The following SLC5A1 variants were observed in gnomAD, a reference collection of about 807,000 sequenced individuals.
SLC5A1 encodes sodium/glucose cotransporter 1.
In SLC5A1, 42 loss-of-function variants were observed where a neutral mutation model predicts 73.5. That is an observed-to-expected ratio of 0.57 (90% CI 0.45 to 0.74). The LOEUF is 0.74. SLC5A1 is among the 30% of genes least tolerant of loss of function. The pLI, the probability that SLC5A1 is intolerant of heterozygous loss-of-function variation, is 0.00. For missense variants in SLC5A1, 634 were observed against 855.4 expected (o/e 0.74, Z 3.23); for synonymous variants, 300 against 317.4 (o/e 0.95, Z 0.58).
rs974183127 is a variant in SLC5A1 at position 32,050,706 on chromosome 22, G to A, written c.207+692G>A. On this transcript the variant is annotated intron_variant, in intron 2 of 14. Transcript: ENST00000266088. ...AGGCCCAGAGAGAAAAACAGTTTGT[G>A]TGTTGGCTTGAGGATAGAAGCAAGG... 9.9e-5 allele frequency among the ~76,000 whole-genome samples: 15 copies of A among 152,200 alleles called. 1 individual carries two copies. The highest frequency in any genetic ancestry group is 3.1e-4 in the African/African-American group (13 of 41,456).
At chr22:32,108,703 A>G (rs1461075542) in intron 14 of SLC5A1, among the ~76,000 whole-genome samples, 5 of 152,162 alleles carry the variant, frequency 3.3e-5, no homozygotes, top group Admixed American at 3.3e-4. Context: ...TCATTAAATC[A>G]TTAAATTCTT....
chr22:32,092,775 C>G lies in SLC5A1; in HGVS notation c.1280+1013C>G, dbSNP rs989438879. Among the ~76,000 whole-genome samples the G allele has an allele frequency of 3.3e-5, 5 of 152,286 alleles. No homozygotes were observed. The South Asian group carries it at 1.0e-3, about 32-fold the overall frequency. The stretch of plus-strand genomic sequence containing the variant: ...GTGGGTTGCCCGTTTACTCTGCTAA[C>G]TGTTCCTTTTGCTGTGCAGAAGCTC... On this transcript the variant is annotated intron_variant, in intron 11 of 14. Coordinates refer to ENST00000266088, the MANE Select transcript of SLC5A1 (RefSeq NM_000343.4).
chr22:32,083,715 G>C (rs1186091562), intron 7 of SLC5A1, among the ~76,000 whole-genome samples: 1 of 151,010 alleles, frequency 6.6e-6, no homozygotes, highest in African/African-American at 2.4e-5. Flanking sequence ...TTAAAGATGA[G>C]ACTGGAGAAC....
chr22:32,072,834 T>C (rs1457060617), intron 5 of SLC5A1, among the ~76,000 whole-genome samples: 1 of 152,240 alleles, frequency 6.6e-6, no homozygotes, highest in African/African-American at 2.4e-5. Flanking sequence ...TTTTACATTA[T>C]TACCTTCCTG....
In SLC5A1 at chr22:32,043,280, C is replaced by T. The variant is rs2093932496; in HGVS notation, c.-2C>T. Reference sequence around the variant, plus strand: ...GAGAGGGAAGGACGCAACGCTGCCACCATGGACAGTAGCACCTGGAGCCCC... The same window carrying T: ...GAGAGGGAAGGACGCAACGCTGCCATCATGGACAGTAGCACCTGGAGCCCC... On this transcript the variant is annotated 5_prime_UTR_variant, in exon 1 of 15. Transcript: ENST00000266088. The surrounding 1 kb of genome is among the most constrained non-coding windows in gnomAD (Gnocchi z 6.5). 14 of 1,613,966 alleles carry T rather than the reference C, an allele frequency of 8.7e-6. No homozygotes were observed. The highest frequency in any genetic ancestry group is 1.1e-5 in the Non-Finnish European group (13 of 1,180,024).
intron 14 of SLC5A1, among the ~76,000 whole-genome samples, chr22:32,106,911 A>G (rs1165629402): frequency 2.0e-5 from 3 of 152,150 alleles, no homozygotes; most frequent in Admixed American, 2.0e-4. Context: ...CAGATTCTCA[A>G]TCTGGCCATC....
At chr22:32,076,744 C>A (rs894197189) in intron 5 of SLC5A1, among the ~76,000 whole-genome samples, 1 of 152,218 alleles carries the variant, frequency 6.6e-6, no homozygotes, top group African/African-American at 2.4e-5. Flanking sequence ...ACAGCAAACA[C>A]ACACATATAA....
intron 13 of SLC5A1, 64 bp downstream of exon 13, chr22:32,102,301 T>G: frequency 7.8e-7 from 1 of 1,284,870 alleles, no homozygotes; most frequent in Non-Finnish European, 1.1e-6. Flanking sequence ...CTTTAATTTT[T>G]TTTAAATTTT....
intron 3 of SLC5A1, among the ~76,000 whole-genome samples, chr22:32,067,327 C>T (rs909220397): frequency 6.6e-5 from 10 of 151,134 alleles, no homozygotes; most frequent in Non-Finnish European, 1.3e-4. Flanking sequence ...AAATGCTTAC[C>T]ACCAGATTTC....
At chr22:32,109,901 C>T in intron 14 of SLC5A1, 89 bp from the exon 15 acceptor site, 1 of 956,056 alleles carries the variant, frequency 1.0e-6, no homozygotes. Context: ...TGCAGAATAG[C>T]AGATGCTTCA....
Position 32,068,561 on chromosome 22 carries a change from C to G in SLC5A1, c.438C>G (p.Ser146=). The change falls in exon 5 of 15, where the codon TCC becomes TCG. Residue 146 remains serine, a synonymous_variant. Transcript: ENST00000266088. ...GCCAGCGGATCCAGGTCTACCTTTC[C>G]CTTCTGTCCCTGCTGCTCTACATTT... ...FGGQRIQVYL[S]LLSLLLYIFT... 6.2e-7 allele frequency: 1 copy of G among 1,613,864 alleles called. No homozygotes were observed. The highest frequency in any genetic ancestry group is 8.5e-7 in the Non-Finnish European group (1 of 1,179,896).
intron 14 of SLC5A1, among the ~76,000 whole-genome samples, chr22:32,107,787 T>C (rs1389283767): frequency 6.6e-6 from 1 of 152,128 alleles, no homozygotes; most frequent in Non-Finnish European, 1.5e-5. Context: ...CATCCTACCC[T>C]ATTAAAGCAC....
intron 2 of SLC5A1, among the ~76,000 whole-genome samples, chr22:32,063,251 A>G (rs138087662): frequency 9.8e-5 from 15 of 152,292 alleles, no homozygotes; most frequent in Middle Eastern, 3.4e-3. Context: ...CTATAACAGT[A>G]TCCATTGTAG....
At chr22:32,054,970 C>T (rs1199148508) in intron 2 of SLC5A1, among the ~76,000 whole-genome samples, 2 of 152,076 alleles carry the variant, frequency 1.3e-5, no homozygotes, top group African/African-American at 2.4e-5. Context: ...CCACTGCACC[C>T]GGCCAAGATG....
intron 11 of SLC5A1, among the ~76,000 whole-genome samples, 186 bp downstream of exon 11, chr22:32,091,948 A>T (rs1424509627): frequency 2.6e-5 from 4 of 152,026 alleles, no homozygotes; most frequent in Non-Finnish European, 5.9e-5. Flanking sequence ...TATTATTTTT[A>T]AATTTTTTAT....
intron 2 of SLC5A1, among the ~76,000 whole-genome samples, chr22:32,054,020 A>T (rs1285321889): frequency 6.6e-6 from 1 of 152,148 alleles, no homozygotes; most frequent in African/African-American, 2.4e-5. Flanking sequence ...TAAAAATACC[A>T]AAATTAGCTG....
chr22:32,067,902 C>T, intron 3 of SLC5A1, 65 bp from the exon 4 acceptor site: 3 of 1,550,598 alleles, frequency 1.9e-6, no homozygotes, highest in Non-Finnish European at 1.8e-6. Context: ...CTGAGGGGCC[C>T]TTCAGGTGGC....
chr22:32,081,871 C>T lies in SLC5A1; in HGVS notation c.483C>T (p.Asp161=). 1 of 1,611,124 alleles carries T rather than the reference C, an allele frequency of 6.2e-7. No homozygotes were observed. The highest frequency in any genetic ancestry group is 8.5e-7 in the Non-Finnish European group (1 of 1,177,638). The part of the protein sequence containing the change: ...LLYIFTKISA[D]IFSGAIFINL... ...CGCCTCTCCTCTCCTTCCAGGCAGA[C>T]ATCTTCTCGGGGGCCATATTCATCA... is the stretch of plus-strand genomic sequence containing the variant. The change falls in exon 6 of 15, where the codon GAC becomes GAT. Residue 161 remains aspartate, a synonymous_variant. Coordinates refer to ENST00000266088, the MANE Select transcript of SLC5A1 (RefSeq NM_000343.4).
intron 1 of SLC5A1, 41 bp from the exon 2 acceptor site, chr22:32,049,902 C>T: frequency 6.4e-7 from 1 of 1,556,900 alleles, no homozygotes; most frequent in African/African-American, 1.4e-5. Flanking sequence ...CAAGGCCACT[C>T]TTCTAGTTTT....
Sources: allele counts gnomAD v4.1 joint callset (sites outside exome capture counted in the v4.1 genomes callset), GRCh38; gene constraint gnomAD v4.1.1; non-coding constraint Gnocchi (gnomAD v3.1); transcripts MANE v1.5; gene names NCBI Gene and HGNC (gene_info 2026-07-23, HGNC 2026-07-21).